DACH1: variants seen among roughly 807,000 people sequenced by gnomAD.
DACH1 encodes dachshund family transcription factor 1, also known as dachshund homolog 1.
DACH1 carries 12 observed loss-of-function variants against 54.2 expected under a neutral mutation model. That is an observed-to-expected ratio of 0.22 (90% CI 0.14 to 0.36). DACH1 has a LOEUF of 0.36. Ranked by LOEUF, DACH1 falls within the 10% of genes least tolerant of loss-of-function variation. The pLI is 1.00. For synonymous variants in DACH1, 386 were observed against 366.2 expected, an observed-to-expected ratio of 1.05 and a Z score of -0.62; for missense variants, 805 against 929.8, an observed-to-expected ratio of 0.87 and a Z score of 1.75.
intron 6 of DACH1, among the ~76,000 whole-genome samples, chr13:71,521,355 T>A (rs1178770733): frequency 6.6e-6 from 1 of 152,042 alleles, no homozygotes; most frequent in Admixed American, 6.6e-5. Flanking sequence ...TTTGTCATCT[T>A]AAAAATATAC....
At chr13:71,507,974 T>C (rs1716096597) in intron 6 of DACH1, among the ~76,000 whole-genome samples, 1 of 152,212 alleles carries the variant, frequency 6.6e-6, no homozygotes, top group African/African-American at 2.4e-5. Flanking sequence ...CTCATTTCTC[T>C]GTTGGGCAAA....
intron 1 of DACH1, among the ~76,000 whole-genome samples, chr13:71,785,432 T>TA (rs1886551901): frequency 6.6e-6 from 1 of 152,214 alleles, no homozygotes; most frequent in South Asian, 2.1e-4. Context: ...GCATTTAAGT[T>TA]AGAGTTTAGA....
chr13:71,522,753 C>T (rs1881695051), intron 6 of DACH1, among the ~76,000 whole-genome samples: 1 of 152,066 alleles, frequency 6.6e-6, no homozygotes, highest in Non-Finnish European at 1.5e-5. Flanking sequence ...GACATCCATA[C>T]AGATGAAAAG....
In DACH1 at chr13:71,841,117, G is replaced by T. The variant is rs549476530; in HGVS notation, c.848+24805C>A. Among the ~76,000 whole-genome samples, 181 of 152,140 alleles carry T rather than the reference G, an allele frequency of 1.2e-3. 2 individuals carry two copies. The highest frequency in any genetic ancestry group is 2.2e-3 in the Non-Finnish European group (151 of 67,994). On this transcript the variant is annotated intron_variant, in intron 1 of 10. Transcript: ENST00000613252. Reference sequence around the variant, plus strand: ...ATATGTGGATGCCATGAAATCATAAGATTTCAACTCTAAAAAGTTTATAAA... The same window carrying T: ...ATATGTGGATGCCATGAAATCATAATATTTCAACTCTAAAAAGTTTATAAA...
At position 71,566,832 on chromosome 13, in the gene DACH1, T is replaced by A. The variant is rs1326470874; in HGVS notation, c.1299+6008A>T. On this transcript the variant is annotated intron_variant, in intron 4 of 10. Coordinates refer to ENST00000613252, the MANE Select transcript of DACH1 (RefSeq NM_080759.6). ...ATTAAATAAATTTTTGTGAAAAAAA[T>A]TTATGTCTAAAAGCTCTGCATACAC... Among the ~76,000 whole-genome samples, 6 of 152,044 alleles carry A rather than the reference T, an allele frequency of 3.9e-5. No homozygotes were observed. In the East Asian group the frequency reaches 9.6e-4, roughly 24 times the overall value.
At chr13:71,808,395 G>T (rs1365740263) in intron 1 of DACH1, among the ~76,000 whole-genome samples, 1 of 152,018 alleles carries the variant, frequency 6.6e-6, no homozygotes, top group Non-Finnish European at 1.5e-5. Flanking sequence ...ACATCTGTCT[G>T]CAGAATTTCT....
intron 7 of DACH1, among the ~76,000 whole-genome samples, chr13:71,482,793 GTTTTTTTTTTTT>G (rs10716729): frequency 4.4e-5 from 3 of 67,494 alleles, no homozygotes; most frequent in Admixed American, 4.1e-4. Flanking sequence ...TCAACTGACA[GTTTTTTTTTTTT>G]TTTTTTTTTT....
chr13:71,447,547 C>A (rs900527694), intron 10 of DACH1, among the ~76,000 whole-genome samples: 1 of 151,994 alleles, frequency 6.6e-6, no homozygotes, highest in Non-Finnish European at 1.5e-5. Context: ...TAATGCCAAT[C>A]ATATGGCCGG....
At position 71,557,126 on chromosome 13, in the gene DACH1, T is replaced by C; in HGVS notation, c.1468A>G (p.Met490Val). The change falls in exon 6 of 11, where the codon ATG (methionine) becomes GTG (valine). Residue 490 changes from methionine (M) to valine (V), a missense_variant. Coordinates refer to ENST00000613252, the MANE Select transcript of DACH1 (RefSeq NM_080759.6). ...VHQNGLSMNQ[M>V]LMGLSPNVLP... ...ACATTTGGTGATAAGCCCATCAGCATCTGGTTCATGGACAACCCATTCTGA... is the reference window on the plus strand; with the variant it reads ...ACATTTGGTGATAAGCCCATCAGCACCTGGTTCATGGACAACCCATTCTGA... The C allele has an allele frequency of 6.2e-7, 1 of 1,612,034 alleles. No individual in the cohort carries two copies. The highest frequency in any genetic ancestry group is 8.5e-7 in the Non-Finnish European group (1 of 1,179,146).
intron 4 of DACH1, among the ~76,000 whole-genome samples, chr13:71,562,525 C>T (rs1456990217): frequency 1.3e-5 from 2 of 152,024 alleles, no homozygotes; most frequent in Non-Finnish European, 2.9e-5. Context: ...TAGGATACTA[C>T]AGAAAGATGG....
Position 71,826,579 on chromosome 13 carries a change from C to T in DACH1, c.848+39343G>A, listed in dbSNP as rs569974093. ...CTGAGGTTTGTTTTGCCACCACTAC[C>T]TCTGCTGCCATAAGGGCATGTAGTT... On this transcript the variant is annotated intron_variant, in intron 1 of 10. Transcript: ENST00000613252. 5.7e-4 allele frequency among the ~76,000 whole-genome samples: 86 copies of T among 152,134 alleles called. 1 individual carries two copies. In the South Asian group the frequency reaches 0.017, roughly 30 times the overall value.
intron 1 of DACH1, among the ~76,000 whole-genome samples, chr13:71,781,350 AT>A (rs1886366270): frequency 1.3e-5 from 1 of 76,724 alleles, no homozygotes; most frequent in Admixed American, 1.2e-4. Context: ...TTTTATTTTT[AT>A]TTATTTATTT....
intron 1 of DACH1, among the ~76,000 whole-genome samples, chr13:71,689,938 T>G (rs753573136): frequency 1.3e-5 from 2 of 152,204 alleles, no homozygotes; most frequent in South Asian, 2.1e-4. Context: ...AAATCCATTA[T>G]GTATATTAGT....
intron 1 of DACH1, among the ~76,000 whole-genome samples, chr13:71,685,332 C>T (rs1040007114): frequency 6.6e-6 from 1 of 152,146 alleles, no homozygotes; most frequent in African/African-American, 2.4e-5. Context: ...AATGCAAATA[C>T]TCTTGGTGGT....
At chr13:71,551,653 A>G (rs1419580369) in intron 6 of DACH1, among the ~76,000 whole-genome samples, 8 of 152,272 alleles carry the variant, frequency 5.3e-5, no homozygotes, top group Admixed American at 5.2e-4. Context: ...TAGGATTTTT[A>G]AACAATGAGA....
chr13:71,852,475 A>C (rs1873738034), intron 1 of DACH1, among the ~76,000 whole-genome samples: 1 of 152,188 alleles, frequency 6.6e-6, no homozygotes, highest in Admixed American at 6.5e-5. Flanking sequence ...TTCAAGAAGC[A>C]TATCCTTAGA....
chr13:71,722,263 T>C (rs942376036), intron 1 of DACH1, among the ~76,000 whole-genome samples: 2 of 152,210 alleles, frequency 1.3e-5, no homozygotes, highest in South Asian at 4.1e-4. Flanking sequence ...TTGACATTTG[T>C]TGATTTCCTA....
At chr13:71,729,022 T>A (rs928642230) in intron 1 of DACH1, among the ~76,000 whole-genome samples, 1 of 151,974 alleles carries the variant, frequency 6.6e-6, no homozygotes, top group Non-Finnish European at 1.5e-5. Context: ...TTTTATTTAG[T>A]TCATCCTACA....
rs984443208 is a variant in DACH1, at chr13:71,781,569, G to A, written c.848+84353C>T. Among the ~76,000 whole-genome samples the A allele has an allele frequency of 9.9e-5, 15 of 151,800 alleles. No individual in the cohort carries two copies. The East Asian group carries it at 2.4e-3, about 24-fold the overall frequency. On this transcript the variant is annotated intron_variant, in intron 1 of 10. Transcript: ENST00000613252. ...AATTTTTTCTATTTTTAGTAGAGAC[G>A]GGGTTTCACCGTGTTAGCCAGGATG...
Sources: gnomAD v4.1 joint callset for allele counts (sites outside exome capture counted in the v4.1 genomes callset) on GRCh38, gnomAD v4.1.1 for gene constraint, MANE v1.5 for transcripts, NCBI Gene and HGNC (gene_info 2026-07-23, HGNC 2026-07-21) for gene names.